XIAP: variants seen among roughly 807,000 people sequenced by gnomAD.
XIAP encodes the protein X-linked inhibitor of apoptosis, also known as E3 ubiquitin-protein ligase XIAP.
In XIAP, 3 loss-of-function variants were observed where a neutral mutation model predicts 33.1. The ratio of observed to expected loss-of-function variants is 0.09; its 90% CI spans 0.04 to 0.23. The LOEUF (loss-of-function observed/expected upper bound fraction) is 0.23, where lower values mean the gene tolerates loss of function less well. Ranked by LOEUF, XIAP falls within the 10% of genes least tolerant of loss-of-function variation. The pLI is 1.00. For synonymous variants in XIAP, 98 were observed against 121.3 expected (o/e 0.81, Z 1.26); for missense variants, 264 against 363.0 (o/e 0.73, Z 2.22).
chrX:123,875,566 A>C (rs1265114000), intron 1 of XIAP, among the ~76,000 whole-genome samples: 5 of 112,754 alleles, frequency 4.4e-5, no homozygotes, highest in African/African-American at 1.6e-4. Context: ...GTTATCTTTT[A>C]AAGTGTTTAT....
Position 123,913,665 on chromosome X carries a change from A to G in XIAP, c.*6484A>G, listed in dbSNP as rs1313077796. On this transcript the variant is annotated 3_prime_UTR_variant, in exon 7 of 7. Transcript: ENST00000371199. The stretch of plus-strand genomic sequence containing the variant: ...TTTCTGGATTTAGTAAGAAATTTGC[A>G]GTTTTGGTTTGATGTAACAAGGGTT... 6.2e-6 allele frequency: 2 copies of G among 323,452 alleles called. No individual in the cohort carries two copies. The highest frequency in any genetic ancestry group is 5.5e-5 in the South Asian group (2 of 36,382). The allele number at this position is 323,452 out of a possible 1,213,427, so 26.7% of individuals were successfully genotyped here.
intron 2 of XIAP, among the ~76,000 whole-genome samples, 158 bp from the exon 3 acceptor site, chrX:123,888,461 A>G (rs1057041530): frequency 8.9e-6 from 1 of 112,784 alleles, no homozygotes; most frequent in Non-Finnish European, 1.9e-5. Flanking sequence ...TCAAAGGATA[A>G]AAATCATATC....
In XIAP at chrX:123,910,791, C is replaced by A. The variant is rs1197597045; in HGVS notation, c.*3610C>A. 1.4e-5 allele frequency: 4 copies of A among 282,890 alleles called. No individual in the cohort carries two copies. The East Asian group carries it at 4.0e-4, about 28-fold the overall frequency. The allele number at this position is 282,890 out of a possible 1,213,427, so 23.3% of individuals were successfully genotyped here. ...GCTGAGGCAGGAGAATGGTGTGAAC[C>A]CGGGAGGCAGAGCTTGCAGTGAGCC... On this transcript the variant is annotated 3_prime_UTR_variant, in exon 7 of 7. Transcript: ENST00000371199.
intron 1 of XIAP, among the ~76,000 whole-genome samples, chrX:123,864,553 G>A (rs2053112365): frequency 1.0e-5 from 1 of 96,500 alleles, no homozygotes; most frequent in African/African-American, 4.0e-5. Context: ...TGCAGGCACT[G>A]CCTCCCGGCT....
At chrX:123,899,187 TTATATATATA>T (rs1386636530) in intron 5 of XIAP, among the ~76,000 whole-genome samples, 1 of 38,045 alleles carries the variant, frequency 2.6e-5, no homozygotes, top group African/African-American at 1.3e-4. Context: ...ATATATGATT[TTATATATATA>T]TGATTGTGTA....
intron 1 of XIAP, among the ~76,000 whole-genome samples, chrX:123,866,878 G>A (rs1311336122): frequency 4.6e-5 from 5 of 107,548 alleles, no homozygotes; most frequent in Non-Finnish European, 7.7e-5. Flanking sequence ...TTTCTGAGAC[G>A]GAGTCTTGCT....
In XIAP at chrX:123,865,981, C is replaced by T. The variant is rs142298560; in HGVS notation, c.-33+5688C>T. 6.6e-3 allele frequency among the ~76,000 whole-genome samples: 701 copies of T among 106,121 alleles called. 6 individuals carry two copies. Among genetic ancestry groups the T allele is most frequent in the African/African-American group, 0.022 (647 of 29,171 alleles). 92.2% of individuals were successfully genotyped at this position (106,121 alleles called of 115,157 possible). On this transcript the variant is annotated intron_variant, in intron 1 of 6. Transcript: ENST00000371199. ...GGAGACAGAGTCTTGCTCTGTCGCC[C>T]AGAGCTGGAGTGCAATGGCTGCGAT...
At chrX:123,881,504 T>C (rs2053303759) in intron 1 of XIAP, among the ~76,000 whole-genome samples, 1 of 111,260 alleles carries the variant, frequency 9.0e-6, no homozygotes, top group Non-Finnish European at 1.9e-5. Flanking sequence ...CTCAAAAAGC[T>C]CACACTCTGC....
intron 5 of XIAP, among the ~76,000 whole-genome samples, chrX:123,894,047 G>A (rs999427371): frequency 8.1e-5 from 9 of 111,742 alleles, no homozygotes; most frequent in African/African-American, 1.3e-4. Flanking sequence ...TTTTCTACTA[G>A]TGTGCCATTA....
At chrX:123,898,385 C>T (rs753534874) in intron 5 of XIAP, among the ~76,000 whole-genome samples, 7 of 111,040 alleles carry the variant, frequency 6.3e-5, no homozygotes, top group African/African-American at 1.3e-4. Context: ...TTTTCTGAGA[C>T]GGAGTCTCGC....
chrX:123,888,793 C>A, intron 3 of XIAP, 75 bp downstream of exon 3: 1 of 950,532 alleles, frequency 1.1e-6, no homozygotes, highest in East Asian at 3.1e-5. Context: ...CTTTTTACCT[C>A]AACTATTTTT....
chrX:123,870,313 A>G (rs2053182946), intron 1 of XIAP, among the ~76,000 whole-genome samples: 1 of 111,994 alleles, frequency 8.9e-6, no homozygotes, highest in African/African-American at 3.2e-5. Context: ...AGAAGTACTT[A>G]CTTGTAGCTA....
rs60841987 is a variant in XIAP at position 123,912,348 on chromosome X, C to CAA, written c.*5179_*5180dup. On this transcript the variant is annotated 3_prime_UTR_variant, in exon 7 of 7. Transcript: ENST00000371199. ...TAGCATTAAGGTTGGTGCAAAAATG[C>CAA]AAAAAAAAAAAAAGCAATTATTTTT... 1.9e-3 allele frequency: 539 copies of CAA among 279,389 alleles called. 2 individuals carry two copies. Among genetic ancestry groups the CAA allele is most frequent in the African/African-American group, 0.017 (450 of 26,827 alleles). 23.0% of individuals were successfully genotyped at this position (279,389 alleles called of 1,213,427 possible). A position where few individuals can be genotyped will look rare whatever the true frequency, so the allele number is the denominator to read the frequency against.
intron 5 of XIAP, among the ~76,000 whole-genome samples, chrX:123,896,927 ATT>A (rs55979065): frequency 0.15 from 11,381 of 74,764 alleles, 600 homozygotes; most frequent in East Asian, 0.27. Context: ...AACGTCTTTA[ATT>A]TTTTTTTTTT....
At chrX:123,859,829 C>T (rs968409082), upstream of XIAP, 4 of 247,125 alleles carry the variant, frequency 1.6e-5, no homozygotes, top group African/African-American at 1.2e-4. Flanking sequence ...TGCCCCCATC[C>T]GGTTCGGGGA....
At position 123,911,110 on chromosome X, in the gene XIAP, G is replaced by T. The variant is rs764131037; in HGVS notation, c.*3929G>T. 9.2e-6 allele frequency: 3 copies of T among 326,668 alleles called. No homozygotes were observed. Among genetic ancestry groups the T allele is most frequent in the South Asian group, 7.8e-5 (3 of 38,282 alleles). 26.9% of individuals were successfully genotyped at this position (326,668 alleles called of 1,213,427 possible). On this transcript the variant is annotated 3_prime_UTR_variant, in exon 7 of 7. Coordinates refer to ENST00000371199, the MANE Select transcript of XIAP (RefSeq NM_001167.4). ...GGTTTGTCTTGACCTGGAAATTTGG[G>T]CTAAAACTTAGAAAAAATTCTTACA...
At chrX:123,906,543 A>G (rs966701351) in intron 6 of XIAP, among the ~76,000 whole-genome samples, 2 of 110,918 alleles carry the variant, frequency 1.8e-5, no homozygotes, top group African/African-American at 6.6e-5. Flanking sequence ...CCATCCCTCT[A>G]TTTCTGGAAT....
chrX:123,867,437 C>A (rs1339435638), intron 1 of XIAP, among the ~76,000 whole-genome samples: 1 of 106,598 alleles, frequency 9.4e-6, no homozygotes, highest in Non-Finnish European at 1.9e-5. Context: ...TGCAGTGGCA[C>A]AATCTCAGCT....
At position 123,903,632 on chromosome X, in the gene XIAP, TTTTGTTTTTTG is replaced by T. The variant is rs1569479499; in HGVS notation, c.1300+2943_1300+2953del. The stretch of plus-strand genomic sequence containing the variant: ...GGGTTTGTTTCAGTTTTTTTTTTTG[TTTTGTTTTTTG>T]TTTTTTTTAGATTTTAAAAAATTGT... On this transcript the variant is annotated intron_variant, in intron 6 of 6. Transcript: ENST00000371199. Among the ~76,000 whole-genome samples the T allele has an allele frequency of 7.2e-3, 216 of 29,870 alleles. 7 individuals carry two copies. Among genetic ancestry groups the T allele is most frequent in the African/African-American group, 0.016 (119 of 7,298 alleles). The allele number at this position is 29,870 out of a possible 115,157, so 25.9% of individuals were successfully genotyped here. A position where few individuals can be genotyped will look rare whatever the true frequency, so the allele number is the denominator to read the frequency against.
Sources: gnomAD v4.1 joint callset for allele counts (sites outside exome capture counted in the v4.1 genomes callset) on GRCh38, gnomAD v4.1.1 for gene constraint, MANE v1.5 for transcripts, NCBI Gene and HGNC (gene_info 2026-07-23, HGNC 2026-07-21) for gene names.